RBM47: variants seen among roughly 807,000 people sequenced by gnomAD.
RBM47 encodes RNA-binding protein 47.
In RBM47, 21 loss-of-function variants were observed where a neutral mutation model predicts 47.1. That is an observed-to-expected ratio of 0.45 (90% confidence interval 0.32 to 0.64). The LOEUF is 0.64. RBM47 is among the 30% of genes least tolerant of loss of function. The probability of loss-of-function intolerance (pLI) is 0.05; values close to 1 mark genes in which losing one functional copy is unlikely to be tolerated. For missense variants in RBM47, 708 were observed against 870.9 expected, an observed-to-expected ratio of 0.81 and a Z score of 2.35; for synonymous variants, 375 against 361.7, an observed-to-expected ratio of 1.04 and a Z score of -0.42.
intron 3 of RBM47, among the ~76,000 whole-genome samples, chr4:40,458,257 T>C (rs369323529): frequency 1.0e-3 from 153 of 152,362 alleles, no homozygotes; most frequent in African/African-American, 3.6e-3. Context: ...ACAAAGGCTC[T>C]GAAACAGACT....
chr4:40,434,033 G>A (rs921477597), intron 5 of RBM47, among the ~76,000 whole-genome samples: 8 of 141,460 alleles, frequency 5.7e-5, no homozygotes, highest in African/African-American at 1.8e-4. Flanking sequence ...GTGTGTGTGT[G>A]TGTGTGTTGA....
At chr4:40,617,189 T>A (rs750077774) in intron 1 of RBM47, among the ~76,000 whole-genome samples, 1 of 152,130 alleles carries the variant, frequency 6.6e-6, no homozygotes, top group South Asian at 2.1e-4. Context: ...TCTTACATTT[T>A]CTTTTATCTT....
intron 1 of RBM47, among the ~76,000 whole-genome samples, chr4:40,577,146 C>T (rs1243468927): frequency 6.6e-6 from 1 of 152,216 alleles, no homozygotes; most frequent in Non-Finnish European, 1.5e-5. Context: ...CAATCATGAA[C>T]ACATGACTGT....
At chr4:40,630,012 C>G (rs1035831212), upstream of RBM47, 1 of 152,472 alleles carries the variant, frequency 6.6e-6, no homozygotes, top group Non-Finnish European at 1.5e-5. Context: ...CCGGCAACTT[C>G]CCGTAAATCT....
At chr4:40,462,817 G>A (rs1482531390) in intron 3 of RBM47, among the ~76,000 whole-genome samples, 1 of 151,874 alleles carries the variant, frequency 6.6e-6, no homozygotes, top group East Asian at 1.9e-4. Context: ...ATAGATCAAA[G>A]ACCTAAATGT....
chr4:40,509,957 G>C (rs1468042814), intron 2 of RBM47, among the ~76,000 whole-genome samples: 4 of 151,822 alleles, frequency 2.6e-5, no homozygotes, highest in African/African-American at 2.4e-5. Flanking sequence ...GAGGCTGAGG[G>C]GGGGTGGGTC....
At chr4:40,436,895 C>T in intron 4 of RBM47, 1 of 621,836 alleles carries the variant, frequency 1.6e-6, no homozygotes, top group East Asian at 3.3e-5. Flanking sequence ...TCTGCAATTT[C>T]AGTAAAGAAA....
At chr4:40,615,130 AAAT>A (rs550985845) in intron 1 of RBM47, among the ~76,000 whole-genome samples, 1 of 152,004 alleles carries the variant, frequency 6.6e-6, no homozygotes, top group South Asian at 2.1e-4. Context: ...TGTCTCAAAA[AAAT>A]AATAATAATA....
intron 2 of RBM47, among the ~76,000 whole-genome samples, chr4:40,477,923 A>G (rs1368869464): frequency 6.6e-6 from 1 of 152,082 alleles, no homozygotes; most frequent in African/African-American, 2.4e-5. Flanking sequence ...ACTGATAGTA[A>G]AAGTGGCTCC....
intron 2 of RBM47, among the ~76,000 whole-genome samples, chr4:40,481,608 G>C (rs1234494927): frequency 1.3e-5 from 2 of 150,182 alleles, no homozygotes; most frequent in African/African-American, 2.5e-5. Context: ...CTAGAGTGCA[G>C]TGGCATGATC....
At chr4:40,483,231 TG>T (rs769658966) in intron 2 of RBM47, among the ~76,000 whole-genome samples, 1 of 152,186 alleles carries the variant, frequency 6.6e-6, no homozygotes, top group Non-Finnish European at 1.5e-5. Context: ...CATGAGCAAA[TG>T]GTAACTTGGC....
chr4:40,490,298 A>C (rs902728610), intron 2 of RBM47, among the ~76,000 whole-genome samples: 1 of 151,662 alleles, frequency 6.6e-6, no homozygotes, highest in Non-Finnish European at 1.5e-5. Flanking sequence ...AAGGAAAAAG[A>C]AAAAAAAAGA....
At chr4:40,480,230 G>A (rs1349133510) in intron 2 of RBM47, among the ~76,000 whole-genome samples, 2 of 151,906 alleles carry the variant, frequency 1.3e-5, no homozygotes, top group South Asian at 2.1e-4. Context: ...CATCTGCCTC[G>A]GCCTCCCAAA....
intron 1 of RBM47, among the ~76,000 whole-genome samples, chr4:40,622,687 G>C (rs1737374940): frequency 6.6e-6 from 1 of 152,182 alleles, no homozygotes; most frequent in Non-Finnish European, 1.5e-5. Context: ...TTCGAGACCA[G>C]CCTGGCCAAC....
intron 6 of RBM47, among the ~76,000 whole-genome samples, chr4:40,430,813 G>T (rs1390654652): frequency 6.6e-6 from 1 of 152,186 alleles, no homozygotes; most frequent in Non-Finnish European, 1.5e-5. Flanking sequence ...AAAAATGTAG[G>T]CAACGGCTCA....
intron 2 of RBM47, among the ~76,000 whole-genome samples, chr4:40,509,068 G>A (rs1724515063): frequency 6.6e-6 from 1 of 152,016 alleles, no homozygotes; most frequent in African/African-American, 2.4e-5. Flanking sequence ...GCTGAAGCAG[G>A]AGAATTGCTT....
At chr4:40,517,725 G>A (rs571301415) in intron 2 of RBM47, among the ~76,000 whole-genome samples, 2 of 152,248 alleles carry the variant, frequency 1.3e-5, no homozygotes, top group East Asian at 3.9e-4. Context: ...AATTAAAAAT[G>A]TAAAAATGTG....
chr4:40,467,625 G>A (rs1317061317), intron 2 of RBM47, among the ~76,000 whole-genome samples: 1 of 152,040 alleles, frequency 6.6e-6, no homozygotes, highest in Non-Finnish European at 1.5e-5. Context: ...TCATCGCATG[G>A]AGAGGCCCAT....
intron 2 of RBM47, among the ~76,000 whole-genome samples, chr4:40,480,054 T>C (rs1200131571): frequency 1.4e-5 from 2 of 146,900 alleles, no homozygotes; most frequent in Non-Finnish European, 1.5e-5. Flanking sequence ...CTCAGCTCAC[T>C]GCGACCTCCA....
Sources: gnomAD v4.1 joint callset for allele counts (sites outside exome capture counted in the v4.1 genomes callset) on GRCh38, gnomAD v4.1.1 for gene constraint, MANE v1.5 for transcripts, NCBI Gene and HGNC (gene_info 2026-07-23, HGNC 2026-07-21) for gene names.